Variants in AIDA observed in about 807,000 individuals in gnomAD.
AIDA encodes the protein axin interactor, dorsalization associated.
A neutral mutation model predicts 42.7 loss-of-function variants in AIDA; 18 were observed. That is an observed-to-expected ratio of 0.42 (90% CI 0.29 to 0.63). The LOEUF (loss-of-function observed/expected upper bound fraction) is 0.63. Among genes scored for constraint, AIDA ranks in the 20% least tolerant of loss-of-function variants. The probability of loss-of-function intolerance (pLI) is 0.19; values close to 1 mark genes in which losing one functional copy is unlikely to be tolerated. For missense variants in AIDA, 250 were observed against 354.1 expected, an observed-to-expected ratio of 0.71 and a Z score of 2.36; for synonymous variants, 104 against 122.9, an observed-to-expected ratio of 0.85 and a Z score of 1.02.
Position 222,712,392 on chromosome 1 carries a change from C to A in AIDA, c.-75G>T, listed in dbSNP as rs1384746161. 2.7e-6 allele frequency: 4 copies of A among 1,481,952 alleles called. No homozygotes were observed. In the South Asian group the frequency reaches 4.1e-5, roughly 15 times the overall value. The allele number at this position is 1,481,952 out of a possible 1,614,324, so 91.8% of individuals were successfully genotyped here. A position where few individuals can be genotyped will look rare whatever the true frequency, so the allele number is the denominator to read the frequency against. ...TTCTAGGGCGCCATCCTCCCCCGGC[C>A]TGGCCCCGACATTAACAGGGCCAGG... On this transcript the variant is annotated 5_prime_UTR_variant, in exon 1 of 10. It adds an upstream start codon to the 5' untranslated region. Coordinates refer to ENST00000340020, the MANE Select transcript of AIDA (RefSeq NM_022831.4).
chr1:222,686,185 G>C (rs947995017), intron 6 of AIDA, among the ~76,000 whole-genome samples: 6 of 151,990 alleles, frequency 3.9e-5, no homozygotes, highest in South Asian at 2.1e-4. Flanking sequence ...CAAAACAAAA[G>C]AAGTACTTAT....
intron 4 of AIDA, among the ~76,000 whole-genome samples, chr1:222,690,154 A>C (rs1655334667): frequency 6.6e-6 from 1 of 152,186 alleles, no homozygotes. Context: ...AAAATCACCT[A>C]AGGATGTATT....
At chr1:222,698,685 A>T (rs547760982) in intron 2 of AIDA, among the ~76,000 whole-genome samples, 1 of 152,164 alleles carries the variant, frequency 6.6e-6, no homozygotes, top group South Asian at 2.1e-4. Context: ...TCCAGACCTC[A>T]GGTGATCCGC....
chr1:222,706,014 G>A (rs111910501), intron 1 of AIDA, among the ~76,000 whole-genome samples: 13 of 152,142 alleles, frequency 8.5e-5, no homozygotes, highest in African/African-American at 1.4e-4. Flanking sequence ...TTTAAAATGC[G>A]TAAAAGATTT....
intron 1 of AIDA, among the ~76,000 whole-genome samples, chr1:222,709,074 C>A (rs1435924605): frequency 6.6e-6 from 1 of 152,078 alleles, no homozygotes; most frequent in Non-Finnish European, 1.5e-5. Context: ...CATACTTTAC[C>A]CTCAAAGAGC....
chr1:222,686,838 T>C (rs1655208893), intron 6 of AIDA, 92 bp downstream of exon 6: 1 of 1,452,454 alleles, frequency 6.9e-7, no homozygotes, highest in Non-Finnish European at 9.3e-7. Flanking sequence ...AGAGTGGTTG[T>C]ACTGCCCCAC....
At chr1:222,685,884 G>A (rs930740484) in intron 6 of AIDA, among the ~76,000 whole-genome samples, 27 of 152,228 alleles carry the variant, frequency 1.8e-4, no homozygotes, top group Non-Finnish European at 1.8e-4. Flanking sequence ...TTATGGCCGG[G>A]CGCAATGGCT....
chr1:222,675,731 C>T (rs1201807417), intron 7 of AIDA, among the ~76,000 whole-genome samples: 1 of 152,178 alleles, frequency 6.6e-6, no homozygotes, highest in Admixed American at 6.5e-5. Flanking sequence ...GCTTTGCAAA[C>T]AAACCTACAC....
intron 5 of AIDA, 61 bp from the exon 6 acceptor site, chr1:222,687,097 T>A: frequency 1.9e-6 from 3 of 1,566,892 alleles, no homozygotes; most frequent in Non-Finnish European, 2.6e-6. Context: ...TAGTGAAGCC[T>A]CACAGACACT....
chr1:222,694,299 T>G, intron 2 of AIDA, 36 bp from the exon 3 acceptor site: 1 of 1,510,768 alleles, frequency 6.6e-7, no homozygotes, highest in Non-Finnish European at 9.1e-7. Flanking sequence ...AATACCAGAA[T>G]TATCATAACT....
intron 6 of AIDA, among the ~76,000 whole-genome samples, chr1:222,677,950 C>T (rs1414522699): frequency 1.3e-5 from 2 of 151,982 alleles, no homozygotes; most frequent in Admixed American, 1.3e-4. Context: ...GGAGGTGTAT[C>T]TTCAGAGTAA....
At chr1:222,707,295 C>A (rs193046262) in intron 1 of AIDA, among the ~76,000 whole-genome samples, 37 of 152,092 alleles carry the variant, frequency 2.4e-4, no homozygotes, top group African/African-American at 7.5e-4. Context: ...GTAGCTGAGA[C>A]CACAGGCGTG....
rs1571920265 is a variant in AIDA at position 222,669,544 on chromosome 1, T to G, written c.*349A>C. The G allele has an allele frequency of 1.9e-5, 4 of 215,090 alleles. No individual in the cohort carries two copies. The highest frequency in any genetic ancestry group is 2.8e-5 in the Non-Finnish European group (3 of 106,644). 13.3% of individuals were successfully genotyped at this position (215,090 alleles called of 1,614,324 possible). The stretch of plus-strand genomic sequence containing the variant: ...GTAAACTCTAGCACATTCTTATTGC[T>G]GTATTAAGTCTGAAGATGAGCACAT... On this transcript the variant is annotated 3_prime_UTR_variant, in exon 10 of 10. Coordinates refer to ENST00000340020, the MANE Select transcript of AIDA (RefSeq NM_022831.4).
At chr1:222,679,099 G>C (rs1413915697) in intron 6 of AIDA, among the ~76,000 whole-genome samples, 1 of 152,084 alleles carries the variant, frequency 6.6e-6, no homozygotes, top group Admixed American at 6.5e-5. Flanking sequence ...TAAACATGTG[G>C]CCTGAAAACA....
intron 4 of AIDA, among the ~76,000 whole-genome samples, chr1:222,690,622 G>A (rs958810814): frequency 3.1e-4 from 47 of 152,114 alleles, no homozygotes; most frequent in African/African-American, 1.1e-3. Flanking sequence ...TTGCAATTCC[G>A]TGACTTACTC....
chr1:222,675,332 C>T (rs1381571620), intron 7 of AIDA, among the ~76,000 whole-genome samples: 1 of 152,092 alleles, frequency 6.6e-6, no homozygotes, highest in East Asian at 1.9e-4. Flanking sequence ...CTGTTAACTA[C>T]TTCATAAATA....
At chr1:222,702,294 T>C (rs1334887555) in intron 2 of AIDA, among the ~76,000 whole-genome samples, 1 of 152,162 alleles carries the variant, frequency 6.6e-6, no homozygotes, top group Admixed American at 6.5e-5. Flanking sequence ...CTTTGTACAT[T>C]CCCTTTGTAA....
chr1:222,689,520 T>TAC (rs1553294405), intron 4 of AIDA, among the ~76,000 whole-genome samples: 5,922 of 57,328 alleles, frequency 0.1, 636 homozygotes, highest in Non-Finnish European at 0.14. Context: ...TATATATATA[T>TAC]ACACACATAC....
chr1:222,700,211 A>T (rs1337542906), intron 2 of AIDA, among the ~76,000 whole-genome samples: 2 of 152,222 alleles, frequency 1.3e-5, no homozygotes, highest in African/African-American at 4.8e-5. Flanking sequence ...CCTCCTAGGC[A>T]GGTATCATAA....
Sources: gnomAD v4.1 joint callset for allele counts (sites outside exome capture counted in the v4.1 genomes callset) on GRCh38, gnomAD v4.1.1 for gene constraint, MANE v1.5 for transcripts, NCBI Gene and HGNC (gene_info 2026-07-23, HGNC 2026-07-21) for gene names.